The following DAPK2 variants were observed in gnomAD, a reference collection of about 807,000 sequenced individuals.
DAPK2 encodes death-associated protein kinase 2.
A neutral mutation model predicts 44.1 loss-of-function variants in DAPK2; 35 were observed. The ratio of observed to expected loss-of-function variants is 0.79; its 90% CI spans 0.61 to 1.05. DAPK2 has a LOEUF of 1.05. Ranked by LOEUF, DAPK2 falls within the 50% of genes least tolerant of loss-of-function variation. The pLI, the probability that DAPK2 is intolerant of heterozygous loss-of-function variation, is 0.00. For synonymous variants in DAPK2, 174 were observed against 182.6 expected, an observed-to-expected ratio of 0.95 and a Z score of 0.38; for missense variants, 453 against 483.2, an observed-to-expected ratio of 0.94 and a Z score of 0.59.
intron 7 of DAPK2, 38 bp from the exon 9 acceptor site, chr15:63,924,899 G>T (rs772958532): frequency 6.2e-7 from 1 of 1,611,292 alleles, no homozygotes; most frequent in South Asian, 1.1e-5. Flanking sequence ...GATCCATGAG[G>T]ACAGAAGTTG....
chr15:63,984,491 G>T (rs1005385452), intron 1 of DAPK2, among the ~76,000 whole-genome samples: 1 of 152,168 alleles, frequency 6.6e-6, no homozygotes, highest in African/African-American at 2.4e-5. Flanking sequence ...AGGCAGCCCT[G>T]AGCCAGCTTC....
intron 1 of DAPK2, among the ~76,000 whole-genome samples, chr15:64,002,508 G>A (rs2079108813): frequency 6.6e-6 from 1 of 152,164 alleles, no homozygotes. Context: ...ATAATTAATG[G>A]ATGGATGGAT....
chr15:63,932,041 C>A (rs2076971142), intron 4 of DAPK2, among the ~76,000 whole-genome samples: 2 of 151,860 alleles, frequency 1.3e-5, no homozygotes, highest in Middle Eastern at 3.4e-3. Flanking sequence ...GTGGCGGGTG[C>A]TTTTAACCCC....
exon 3 of DAPK2, chr15:63,971,550 C>T (rs1464127465): frequency 1.2e-6 from 2 of 1,614,180 alleles, no homozygotes; most frequent in Non-Finnish European, 1.7e-6. Context: ...GAAGAGCTCT[C>T]CTCCAGACAC....
At chr15:63,971,432 A>C (rs750507019) in exon 3 of DAPK2, 1 of 1,614,232 alleles carries the variant, frequency 6.2e-7, no homozygotes. Context: ...CCTTGAGATC[A>C]AAGTGAGCAA....
intron 1 of DAPK2, among the ~76,000 whole-genome samples, chr15:63,996,919 A>T (rs2078965821): frequency 6.6e-6 from 1 of 151,794 alleles, no homozygotes; most frequent in African/African-American, 2.4e-5. Context: ...CTATTCCCTC[A>T]TCCCCACCCT....
chr15:63,908,391 T>C lies in DAPK2; in HGVS notation c.*129A>G, dbSNP rs992790372. On this transcript the variant is annotated 3_prime_UTR_variant, in exon 11 of 11. Transcript: ENST00000261891. This position sits in a 1 kb window ranked among gnomAD's most constrained non-coding sequence, Gnocchi z 5.7. ...TTGCCTGCAAGCTCTTCTGAATTCC[T>C]TGGGCCCATCTCTCTTGCAAAGTGC... 6.2e-6 allele frequency: 3 copies of C among 481,204 alleles called. No individual in the cohort carries two copies. Among genetic ancestry groups the C allele is most frequent in the Admixed American group, 8.1e-5 (2 of 24,590 alleles). The allele number at this position is 481,204 out of a possible 1,614,324, so 29.8% of individuals were successfully genotyped here.
At chr15:64,029,576 T>C (rs2079952637) in intron 1 of DAPK2, among the ~76,000 whole-genome samples, 1 of 152,190 alleles carries the variant, frequency 6.6e-6, no homozygotes, top group Non-Finnish European at 1.5e-5. Flanking sequence ...TCTAGGTACA[T>C]CTCATTTCAT....
In DAPK2 at chr15:63,917,282, G is replaced by A. The variant is rs147008431; in HGVS notation, c.859-5085C>T. 4,792 of 151,638 alleles carry A rather than the reference G, an allele frequency of 0.032. 103 individuals are homozygous for A. The highest frequency in any genetic ancestry group is 0.072 in the South Asian group (347 of 4,800). The allele number at this position is 151,638 out of a possible 1,614,324, so 9.4% of individuals were successfully genotyped here. Reference sequence around the variant, plus strand: ...GGAGGCTGAGGCAGGAGAATTGCTTGAACCTGGAAGATGGAGGTTGCAGTG... The same window carrying A: ...GGAGGCTGAGGCAGGAGAATTGCTTAAACCTGGAAGATGGAGGTTGCAGTG... On this transcript the variant is annotated intron_variant, in intron 8 of 10. Transcript: ENST00000261891. This position sits in a 1 kb window ranked among gnomAD's most constrained non-coding sequence, Gnocchi z 4.4.
At chr15:63,935,184 G>C (rs941813936) in intron 4 of DAPK2, among the ~76,000 whole-genome samples, 1 of 150,214 alleles carries the variant, frequency 6.7e-6, no homozygotes, top group South Asian at 2.1e-4. Context: ...TCTGCCTCCT[G>C]GGTTGAAGTG....
At chr15:64,031,255 CA>C (rs1350593619) in intron 1 of DAPK2, among the ~76,000 whole-genome samples, 1 of 149,202 alleles carries the variant, frequency 6.7e-6, no homozygotes, top group Non-Finnish European at 1.5e-5. Context: ...TTTTTTGAGA[CA>C]GGGTCTTGCT....
chr15:64,001,226 A>AG (rs56247450), intron 1 of DAPK2, among the ~76,000 whole-genome samples: 6 of 151,640 alleles, frequency 4.0e-5, no homozygotes, highest in African/African-American at 1.5e-4. Flanking sequence ...AAAAAAAAAA[A>AG]TCTAGTCTGC....
intron 6 of DAPK2, among the ~76,000 whole-genome samples, chr15:63,927,923 G>GT (rs766007461): frequency 1.3e-5 from 2 of 151,940 alleles, no homozygotes; most frequent in East Asian, 1.9e-4. Flanking sequence ...TTTTTGTTTT[G>GT]TTTTTTGTAG....
intron 1 of DAPK2, among the ~76,000 whole-genome samples, chr15:64,033,279 GGGGAAGGGGGA>G (rs780450795): frequency 8.3e-5 from 5 of 60,560 alleles, no homozygotes; most frequent in Admixed American, 2.0e-4. Context: ...GAGGGGGAAG[GGGGAAGGGGGA>G]AGGAAGGAAG....
intron 1 of DAPK2, among the ~76,000 whole-genome samples, chr15:63,992,045 GAAA>G (rs1735298066): frequency 6.6e-6 from 1 of 152,138 alleles, no homozygotes; most frequent in African/African-American, 2.4e-5. Flanking sequence ...CAGGGAGTCA[GAAA>G]AACTAAAGCA....
chr15:63,935,685 G>A (rs1403994313), intron 4 of DAPK2: 1 of 152,042 alleles, frequency 6.6e-6, no homozygotes, highest in Non-Finnish European at 1.5e-5. Flanking sequence ...AAAATTCTCA[G>A]CCATTCTCTT....
At chr15:63,907,524 A>AT (rs1241288187) in exon 11 of DAPK2, 2 of 152,074 alleles carry the variant, frequency 1.3e-5, no homozygotes, top group Non-Finnish European at 2.9e-5. Flanking sequence ...GGCTTAAGCA[A>AT]TGCTGTCACC....
At chr15:63,999,371 T>G (rs761271717) in intron 1 of DAPK2, among the ~76,000 whole-genome samples, 4 of 152,106 alleles carry the variant, frequency 2.6e-5, no homozygotes. Flanking sequence ...CTGCTTCTCG[T>G]GGAACTGCAG....
intron 7 of DAPK2, 71 bp downstream of exon 8, chr15:63,925,870 G>C (rs2079242873): frequency 1.3e-6 from 2 of 1,591,310 alleles, no homozygotes; most frequent in African/African-American, 1.3e-5. Flanking sequence ...GGGACATACT[G>C]ACAGGTCTTT....
Sources: allele counts gnomAD v4.1 joint callset (sites outside exome capture counted in the v4.1 genomes callset), GRCh38; gene constraint gnomAD v4.1.1; non-coding constraint Gnocchi (gnomAD v3.1); transcripts MANE v1.5; gene names NCBI Gene and HGNC (gene_info 2026-07-23, HGNC 2026-07-21).